The following PLEKHA8 variants were observed in gnomAD, a reference collection of about 807,000 sequenced individuals.
PLEKHA8 encodes the protein pleckstrin homology domain containing A8.
A neutral mutation model predicts 68.2 loss-of-function variants in PLEKHA8; 36 were observed. The ratio of observed to expected loss-of-function variants is 0.53; its 90% CI spans 0.40 to 0.70. The LOEUF is 0.70. Among genes scored for constraint, PLEKHA8 ranks in the 30% least tolerant of loss-of-function variants. The pLI is 0.00. For missense variants in PLEKHA8, 505 were observed against 615.4 expected, an observed-to-expected ratio of 0.82 and a Z score of 1.90; for synonymous variants, 211 against 216.1, an observed-to-expected ratio of 0.98 and a Z score of 0.20.
At chr7:30,118,263 T>C (rs766867833) in intron 13 of PLEKHA8, 2 of 387,836 alleles carry the variant, frequency 5.2e-6, no homozygotes, top group Non-Finnish European at 9.1e-6. Context: ...ACTTATTTGA[T>C]TGTTTTTCTG....
chr7:30,055,194 G>C, intron 8 of PLEKHA8, 63 bp from the exon 9 acceptor site: 7 of 1,442,074 alleles, frequency 4.9e-6, no homozygotes, highest in Non-Finnish European at 6.8e-6. Context: ...ACTTACCTCT[G>C]AATTGCAGAG....
chr7:30,038,693 G>A (rs930795257), intron 1 of PLEKHA8, among the ~76,000 whole-genome samples: 2 of 152,108 alleles, frequency 1.3e-5, no homozygotes, highest in African/African-American at 2.4e-5. Context: ...AAACTTTTAA[G>A]TGTCTGTTTA....
chr7:30,053,360 C>G (rs1020638608), intron 7 of PLEKHA8, among the ~76,000 whole-genome samples: 1 of 152,200 alleles, frequency 6.6e-6, no homozygotes, highest in Non-Finnish European at 1.5e-5. Context: ...TCCCTTGGCA[C>G]TAATCACTGA....
At chr7:30,033,572 T>A (rs951905859) in intron 1 of PLEKHA8, among the ~76,000 whole-genome samples, 1 of 152,220 alleles carries the variant, frequency 6.6e-6, no homozygotes, top group African/African-American at 2.4e-5. Flanking sequence ...TTTGTTTTTG[T>A]TTTTCTTGGT....
At chr7:30,118,316 T>G (rs1214441558) in intron 13 of PLEKHA8, 1 of 310,358 alleles carries the variant, frequency 3.2e-6, no homozygotes, top group African/African-American at 2.1e-5. Context: ...TTAAATTATA[T>G]TACAAGAAAA....
intron 13 of PLEKHA8, among the ~76,000 whole-genome samples, chr7:30,119,143 A>G (rs1378805752): frequency 6.6e-6 from 1 of 152,218 alleles, no homozygotes; most frequent in Admixed American, 6.5e-5. Flanking sequence ...CCAAAAGATG[A>G]TGACTTCTGA....
intron 12 of PLEKHA8, among the ~76,000 whole-genome samples, chr7:30,072,498 G>T (rs1318163311): frequency 1.3e-5 from 2 of 152,236 alleles, no homozygotes; most frequent in Non-Finnish European, 2.9e-5. Context: ...TGAGTTGATT[G>T]TAAACTGGGT....
chr7:30,072,291 A>G (rs1424329097), intron 12 of PLEKHA8, among the ~76,000 whole-genome samples: 1 of 152,222 alleles, frequency 6.6e-6, no homozygotes, highest in Non-Finnish European at 1.5e-5. Context: ...CTGTTGTTCT[A>G]TTTCACATGT....
chr7:30,052,046 G>A (rs539465427), intron 6 of PLEKHA8, among the ~76,000 whole-genome samples: 147 of 152,278 alleles, frequency 9.7e-4, no homozygotes, highest in African/African-American at 3.4e-3. Flanking sequence ...TGTAGAGAGA[G>A]AGAAGAAGCC....
intron 13 of PLEKHA8, among the ~76,000 whole-genome samples, chr7:30,075,781 A>T (rs1297473450): frequency 6.6e-6 from 1 of 152,210 alleles, no homozygotes; most frequent in African/African-American, 2.4e-5. Context: ...ATGATCCCAG[A>T]GATATTGTCA....
chr7:30,129,889 C>T (rs188499768), downstream of PLEKHA8: 11 of 155,944 alleles, frequency 7.1e-5, no homozygotes, highest in Admixed American at 1.9e-4. Flanking sequence ...TGTCACATAT[C>T]GGAGCTGTGC....
chr7:30,039,446 C>T (rs943370511), intron 1 of PLEKHA8, among the ~76,000 whole-genome samples: 3 of 152,246 alleles, frequency 2.0e-5, no homozygotes, highest in Middle Eastern at 3.4e-3. Context: ...ACTCGGGAGG[C>T]GGAGATGGCA....
intron 8 of PLEKHA8, 51 bp from the exon 9 acceptor site, chr7:30,055,206 G>A: frequency 6.6e-7 from 1 of 1,507,722 alleles, no homozygotes; most frequent in Non-Finnish European, 9.2e-7. Context: ...ATTGCAGAGT[G>A]CTGATACTGT....
chr7:30,113,790 G>A, intron 13 of PLEKHA8, among the ~76,000 whole-genome samples: 1 of 152,046 alleles, frequency 6.6e-6, no homozygotes, highest in Admixed American at 6.5e-5. Flanking sequence ...AATTTCCTCA[G>A]ATGGGACTTC....
At chr7:30,071,052 C>A (rs1012001499) in intron 12 of PLEKHA8, among the ~76,000 whole-genome samples, 1 of 152,132 alleles carries the variant, frequency 6.6e-6, no homozygotes, top group Non-Finnish European at 1.5e-5. Context: ...AAAAAACTAG[C>A]AGAATATTTT....
chr7:30,114,525 G>A (rs921942363), intron 13 of PLEKHA8, among the ~76,000 whole-genome samples: 2 of 152,142 alleles, frequency 1.3e-5, no homozygotes, highest in Non-Finnish European at 2.9e-5. Flanking sequence ...ACATCTTTTA[G>A]GGCTTTAATA....
intron 13 of PLEKHA8, among the ~76,000 whole-genome samples, chr7:30,121,423 G>A (rs1796695239): frequency 6.6e-6 from 1 of 152,144 alleles, no homozygotes; most frequent in Admixed American, 6.5e-5. Context: ...GAGATTAGGA[G>A]TTCGAGACCT....
At chr7:30,053,939 A>T (rs1792618518) in intron 7 of PLEKHA8, among the ~76,000 whole-genome samples, 1 of 152,214 alleles carries the variant, frequency 6.6e-6, no homozygotes, top group Admixed American at 6.5e-5. Flanking sequence ...ACACTTTAAT[A>T]TGTATTGTTG....
rs1159901993 is a variant in PLEKHA8, at chr7:30,084,249, T to A, written c.*5462T>A. On this transcript the variant is annotated 3_prime_UTR_variant, in exon 14 of 14. Transcript: ENST00000449726. ...ATTAATTTTTAAGTCACTGTTTAAT[T>A]CCATGCCTAGTATTCTTATGAATGT... 1 of 985,236 alleles carries A rather than the reference T, an allele frequency of 1.0e-6. No homozygotes were observed. The highest frequency in any genetic ancestry group is 1.2e-6 in the Non-Finnish European group (1 of 829,842). The allele number at this position is 985,236 out of a possible 1,614,324, so 61.0% of individuals were successfully genotyped here. A position where few individuals can be genotyped will look rare whatever the true frequency, so the allele number is the denominator to read the frequency against.
Sources: allele counts gnomAD v4.1 joint callset (sites outside exome capture counted in the v4.1 genomes callset), GRCh38; gene constraint gnomAD v4.1.1; transcripts MANE v1.5; gene names NCBI Gene and HGNC (gene_info 2026-07-23, HGNC 2026-07-21).